DMD: variants seen among roughly 807,000 people sequenced by gnomAD.
The protein encoded by DMD is dystrophin.
DMD carries 63 observed loss-of-function variants against 330.1 expected under a neutral mutation model. The observed-to-expected ratio is 0.19, with a 90% CI of 0.16 to 0.24. The LOEUF is 0.24. Among genes scored for constraint, DMD ranks in the 10% least tolerant of loss-of-function variants. DMD has a pLI of 1.00. For synonymous variants in DMD, 1,223 were observed against 959.8 expected, an observed-to-expected ratio of 1.27 and a Z score of -5.07; for missense variants, 3,344 against 2,684.1, an observed-to-expected ratio of 1.25 and a Z score of -5.43.
intron 44 of DMD, among the ~76,000 whole-genome samples, chrX:32,018,039 G>A (rs2095778655): frequency 9.0e-6 from 1 of 110,753 alleles, no homozygotes; most frequent in African/African-American, 3.3e-5. Flanking sequence ...ATGCGCCCAC[G>A]AACATGACAG....
intron 44 of DMD, among the ~76,000 whole-genome samples, chrX:32,203,676 A>G (rs905692554): frequency 1.8e-5 from 2 of 111,927 alleles, no homozygotes; most frequent in African/African-American, 6.5e-5. Context: ...CATGTCCTCC[A>G]TTTGACAGCC....
At chrX:32,433,399 C>T (rs961384915) in intron 29 of DMD, among the ~76,000 whole-genome samples, 3 of 111,603 alleles carry the variant, frequency 2.7e-5, no homozygotes, top group Non-Finnish European at 5.6e-5. Flanking sequence ...ATATATCGGC[C>T]GGATGCGGTG....
At chrX:32,547,497 C>A (rs753756928) in intron 16 of DMD, among the ~76,000 whole-genome samples, 2 of 110,899 alleles carry the variant, frequency 1.8e-5, no homozygotes, top group Admixed American at 9.7e-5. Flanking sequence ...AATACTACTT[C>A]ATTTCCTTCG....
chrX:32,530,252 G>T (rs1421560879), intron 17 of DMD, among the ~76,000 whole-genome samples: 2 of 112,098 alleles, frequency 1.8e-5, no homozygotes, highest in Non-Finnish European at 3.8e-5. Context: ...CAAATTGAAT[G>T]ATTTAATGTT....
intron 2 of DMD, among the ~76,000 whole-genome samples, chrX:32,998,826 A>G (rs1277486583): frequency 8.9e-6 from 1 of 112,023 alleles, no homozygotes; most frequent in Non-Finnish European, 1.9e-5. Context: ...AGAATTTCTT[A>G]TATGTATGAC....
chrX:31,714,333 T>C (rs185247322), intron 52 of DMD, among the ~76,000 whole-genome samples: 2 of 112,105 alleles, frequency 1.8e-5, no homozygotes, highest in Non-Finnish European at 3.8e-5. Context: ...CATAATTTAA[T>C]CTTCTTGTGT....
intron 1 of DMD, among the ~76,000 whole-genome samples, chrX:33,160,668 A>G (rs1391890134): frequency 8.9e-6 from 1 of 112,326 alleles, no homozygotes; most frequent in Non-Finnish European, 1.9e-5. Context: ...TGAAGAAGAC[A>G]TTAAATATGA....
At chrX:33,289,059 A>G (rs2053475759) in intron 1 of DMD, among the ~76,000 whole-genome samples, 1 of 111,252 alleles carries the variant, frequency 9.0e-6, no homozygotes, top group African/African-American at 3.3e-5. Context: ...GTCAATTTTG[A>G]ACAACAAAGT....
chrX:32,654,008 G>C (rs145653592), intron 9 of DMD, among the ~76,000 whole-genome samples: 2,844 of 112,170 alleles, frequency 0.025, 100 homozygotes, highest in African/African-American at 0.086. Flanking sequence ...TTTGTATCCT[G>C]AGACTTTGCT....
chrX:32,073,390 T>C (rs1182295534), intron 44 of DMD, among the ~76,000 whole-genome samples: 1 of 112,015 alleles, frequency 8.9e-6, no homozygotes, highest in South Asian at 3.6e-4. Context: ...TCTTGCCTTC[T>C]GGTAAATTAG....
chrX:32,248,055 G>A (rs890552256), intron 43 of DMD, among the ~76,000 whole-genome samples: 1 of 111,523 alleles, frequency 9.0e-6, no homozygotes, highest in African/African-American at 3.3e-5. Context: ...TTTATGAAGA[G>A]AAAGAGGTTA....
intron 52 of DMD, among the ~76,000 whole-genome samples, chrX:31,707,529 T>C (rs1237878336): frequency 9.0e-6 from 1 of 110,626 alleles, no homozygotes; most frequent in African/African-American, 3.3e-5. Flanking sequence ...CTCACTAACA[T>C]GGCGATGGGA....
rs892121336 is a variant in DMD at position 31,968,489 on chromosome X, C to T, written c.6464G>A (p.Arg2155Gln). The change falls in exon 45 of 79, where the codon CGG becomes CAG. Residue 2155 changes from arginine to glutamine, a missense_variant. Physicochemically the swap from Arg to Gln is conservative, Grantham distance 43. Coordinates refer to ENST00000357033, the MANE Select transcript of DMD (RefSeq NM_004006.3). ...LKELQDGIGQ[R>Q]QTVVRTLNAT... The stretch of plus-strand genomic sequence containing the variant: ...ATTCAATGTTCTGACAACAGTTTGC[C>T]GCTGCCCAATGCCATCCTGGAGTTC... The T allele has an allele frequency of 7.4e-6, 9 of 1,210,397 alleles. No homozygotes were observed. The highest frequency in any genetic ancestry group is 4.4e-5 in the Admixed American group (2 of 45,855).
chrX:32,110,091 C>T (rs2096582679), intron 44 of DMD, among the ~76,000 whole-genome samples: 1 of 111,764 alleles, frequency 8.9e-6, no homozygotes, highest in South Asian at 3.7e-4. Context: ...TATACATTTT[C>T]AATTTGATTT....
At chrX:31,312,239 G>T (rs1650230841) in intron 62 of DMD, among the ~76,000 whole-genome samples, 1 of 111,934 alleles carries the variant, frequency 8.9e-6, no homozygotes, top group Non-Finnish European at 1.9e-5. Context: ...GAATTTACAA[G>T]GAACTTAAAC....
At chrX:31,917,137 G>A (rs73466100) in intron 47 of DMD, among the ~76,000 whole-genome samples, 4 of 111,252 alleles carry the variant, frequency 3.6e-5, no homozygotes, top group Non-Finnish European at 7.5e-5. Flanking sequence ...TTGAAATTAG[G>A]GGGGGAAATG....
At chrX:32,327,381 G>A (rs1475150792) in intron 41 of DMD, among the ~76,000 whole-genome samples, 1 of 110,767 alleles carries the variant, frequency 9.0e-6, no homozygotes, top group Non-Finnish European at 1.9e-5. Flanking sequence ...CTCCATTCCT[G>A]ACTCTTGGCT....
chrX:31,424,312 C>T (rs925546737), intron 60 of DMD, among the ~76,000 whole-genome samples: 4 of 111,731 alleles, frequency 3.6e-5, no homozygotes, highest in Non-Finnish European at 7.5e-5. Flanking sequence ...CCATTTGCCC[C>T]AGGGAAGGGA....
At position 32,819,848 on chromosome X, in the gene DMD, TAAAA is replaced by T. The variant is rs35344665; in HGVS notation, c.358-3212_358-3209del. On this transcript the variant is annotated intron_variant, in intron 5 of 78. Coordinates refer to ENST00000357033, the MANE Select transcript of DMD (RefSeq NM_004006.3). ...AGGAAGAAAATATGTAATGTTGGTG[TAAAA>T]AAAAAAAAAAAAAAGAAAAACACAT... is the stretch of plus-strand genomic sequence containing the variant. 9.8e-3 allele frequency among the ~76,000 whole-genome samples: 790 copies of T among 80,965 alleles called. 9 individuals are homozygous for T. Among genetic ancestry groups the T allele is most frequent in the African/African-American group, 0.031 (722 of 23,402 alleles). The allele number at this position is 80,965 out of a possible 115,157, so 70.3% of individuals were successfully genotyped here. A position where few individuals can be genotyped will look rare whatever the true frequency, so the allele number is the denominator to read the frequency against.
Sources: gnomAD v4.1 joint callset for allele counts (sites outside exome capture counted in the v4.1 genomes callset) on GRCh38, gnomAD v4.1.1 for gene constraint, MANE v1.5 for transcripts, NCBI Gene and HGNC (gene_info 2026-07-23, HGNC 2026-07-21) for gene names.